The following JPH3 variants were observed in gnomAD, a reference collection of about 807,000 sequenced individuals.
JPH3 encodes junctophilin-3.
A neutral mutation model predicts 59.6 loss-of-function variants in JPH3; 11 were observed. The ratio of observed to expected loss-of-function variants is 0.18; its 90% CI spans 0.12 to 0.31. JPH3 has a LOEUF of 0.31. Among genes scored for constraint, JPH3 ranks in the 10% least tolerant of loss-of-function variants. The pLI, the probability that JPH3 is intolerant of heterozygous loss-of-function variation, is 1.00. For synonymous variants in JPH3, 673 were observed against 483.6 expected, an observed-to-expected ratio of 1.39 and a Z score of -5.14; for missense variants, 1,202 against 1,105.7, an observed-to-expected ratio of 1.09 and a Z score of -1.24.
chr16:87,677,947 C>T (rs1180138285), intron 2 of JPH3, among the ~76,000 whole-genome samples: 1 of 152,190 alleles, frequency 6.6e-6, no homozygotes, highest in African/African-American at 2.4e-5. Flanking sequence ...CACGAAGGAA[C>T]TGAACATTAA....
At chr16:87,635,240 G>C (rs569836808) in intron 1 of JPH3, among the ~76,000 whole-genome samples, 3 of 152,214 alleles carry the variant, frequency 2.0e-5, no homozygotes, top group African/African-American at 7.2e-5. Context: ...TGGAGGTGTT[G>C]ACCTGGGGCA....
intron 4 of JPH3, chr16:87,695,595 GGT>G (rs751487821): frequency 1.1e-5 from 5 of 455,776 alleles, no homozygotes; most frequent in Admixed American, 2.4e-5. Context: ...GACTGGAGTG[GGT>G]GTCCCAGCCA....
chr16:87,687,408 G>T (rs56272945), intron 3 of JPH3, among the ~76,000 whole-genome samples: 75 of 152,274 alleles, frequency 4.9e-4, no homozygotes, highest in African/African-American at 1.8e-3. Flanking sequence ...AGTGGCTGGC[G>T]CCAGCCTCTT....
intron 1 of JPH3, among the ~76,000 whole-genome samples, chr16:87,606,536 A>G (rs1377059050): frequency 6.6e-6 from 1 of 152,168 alleles, no homozygotes; most frequent in Non-Finnish European, 1.5e-5. Context: ...CCCAGCTTGC[A>G]TCCTGGGCTT....
chr16:87,688,140 C>A (rs2033463268), intron 3 of JPH3, among the ~76,000 whole-genome samples: 1 of 152,172 alleles, frequency 6.6e-6, no homozygotes, highest in Non-Finnish European at 1.5e-5. Context: ...CCAGCCCAGC[C>A]CTGTTTCTGG....
chr16:87,645,175 C>G (rs1300049897), intron 2 of JPH3, 140 bp downstream of exon 2: 1 of 864,060 alleles, frequency 1.2e-6, no homozygotes, highest in East Asian at 2.7e-5. Flanking sequence ...AAACTATGCC[C>G]CCATGGAACC....
At chr16:87,670,561 G>A (rs2032988856) in intron 2 of JPH3, among the ~76,000 whole-genome samples, 1 of 152,250 alleles carries the variant, frequency 6.6e-6, no homozygotes, top group Non-Finnish European at 1.5e-5. Flanking sequence ...CCAAGCCCAT[G>A]CCTGGGCTGT....
intron 1 of JPH3, among the ~76,000 whole-genome samples, chr16:87,625,746 G>A (rs2031351290): frequency 6.6e-6 from 1 of 152,208 alleles, no homozygotes; most frequent in Admixed American, 6.5e-5. Context: ...CTGAAGAAGT[G>A]ACCCAGGGCT....
intron 1 of JPH3, among the ~76,000 whole-genome samples, chr16:87,612,107 G>T (rs1162240164): frequency 6.6e-6 from 1 of 152,212 alleles, no homozygotes; most frequent in Non-Finnish European, 1.5e-5. Context: ...GGTACAGCCT[G>T]GGCATTGGGA....
At chr16:87,673,389 G>T (rs966475346) in intron 2 of JPH3, among the ~76,000 whole-genome samples, 1 of 151,980 alleles carries the variant, frequency 6.6e-6, no homozygotes, top group Non-Finnish European at 1.5e-5. Context: ...TGCTCGTGGG[G>T]GTGTAAATGT....
At chr16:87,641,428 G>C (rs1108475) in intron 1 of JPH3, among the ~76,000 whole-genome samples, 27,115 of 152,142 alleles carry the variant, frequency 0.18, 2,897 homozygotes, top group East Asian at 0.38. Context: ...AAGCAGCTTT[G>C]GGGGTACAGA....
chr16:87,685,561 T>A (rs1178238869), intron 3 of JPH3, among the ~76,000 whole-genome samples: 1 of 152,126 alleles, frequency 6.6e-6, no homozygotes, highest in African/African-American at 2.4e-5. Context: ...CACGTGCATG[T>A]GGGGAGTGGG....
At chr16:87,652,955 C>G (rs1256487451) in intron 2 of JPH3, among the ~76,000 whole-genome samples, 1 of 152,204 alleles carries the variant, frequency 6.6e-6, no homozygotes, top group Non-Finnish European at 1.5e-5. Context: ...CAGGCAGGCT[C>G]TTCTGTCGGC....
intron 1 of JPH3, among the ~76,000 whole-genome samples, chr16:87,633,683 C>T (rs2031638599): frequency 6.6e-6 from 1 of 151,916 alleles, no homozygotes; most frequent in South Asian, 2.1e-4. Context: ...CCTGTAGTAC[C>T]AGCTACTCGG....
rs751664775 is a variant in JPH3 at position 87,644,664 on chromosome 16, C to T, written c.789C>T (p.Thr263=). The change falls in exon 2 of 5, where the codon ACC becomes ACT. Residue 263 remains threonine, a synonymous_variant. Transcript: ENST00000284262. ...VSSTASDIHS[T]ISLGEAEAEL... is the part of the protein sequence containing the mutation. ...CCACGGCCAGCGACATCCACTCCAC[C>T]ATCAGCCTGGGCGAGGCTGAGGCCG... The T allele has an allele frequency of 6.2e-6, 10 of 1,611,940 alleles. No individual in the cohort carries two copies. The South Asian group carries it at 6.6e-5, about 11-fold the overall frequency.
chr16:87,690,619 G>A (rs1193744827), intron 4 of JPH3, 93 bp downstream of exon 4: 7 of 1,305,396 alleles, frequency 5.4e-6, no homozygotes, highest in Non-Finnish European at 7.0e-6. Context: ...CAAGGTCACT[G>A]CTCCCCTGTT....
At position 87,640,025 on chromosome 16, in the gene JPH3, G is replaced by T. The variant is rs1409383700; in HGVS notation, c.383-4233G>T. Among the ~76,000 whole-genome samples, 34 of 152,194 alleles carry T rather than the reference G, an allele frequency of 2.2e-4. 1 individual carries two copies. Among genetic ancestry groups the T allele is most frequent in the Admixed American group, 2.2e-3 (34 of 15,280 alleles). On this transcript the variant is annotated intron_variant, in intron 1 of 4. Transcript: ENST00000284262. ...TCTTTCCAGGGTCATCCTCCACTTTGCGGGGGCAGCCCACCTTCCTGGAGT... is the reference window on the plus strand; with the variant it reads ...TCTTTCCAGGGTCATCCTCCACTTTTCGGGGGCAGCCCACCTTCCTGGAGT...
At chr16:87,663,586 C>G (rs1240376935) in intron 2 of JPH3, among the ~76,000 whole-genome samples, 3 of 152,164 alleles carry the variant, frequency 2.0e-5, no homozygotes, top group African/African-American at 7.2e-5. Context: ...AGCCACTGCC[C>G]CCAGCTGGCC....
chr16:87,690,291 G>A lies in JPH3; in HGVS notation c.1931G>A (p.Arg644His), dbSNP rs748061937. 5.6e-6 allele frequency: 9 copies of A among 1,598,498 alleles called. No homozygotes were observed. In the Admixed American group the frequency reaches 1.2e-4, roughly 21 times the overall value. ...TGCCGGGGCTTGGGGGACGACCACC[G>A]CCCCGAGGACCGGGGCTTCGGGGTG... ...GACRGLGDDH[R>H]PEDRGFGVQR... Residue 644 changes from arginine (R) to histidine (H), a missense_variant, in exon 4 of 5, where the codon CGC becomes CAC. By Grantham distance (29) the Arg-to-His change is conservative (BLOSUM62 0). Transcript: ENST00000284262.
Sources: gnomAD v4.1 joint callset for allele counts (sites outside exome capture counted in the v4.1 genomes callset) on GRCh38, gnomAD v4.1.1 for gene constraint, MANE v1.5 for transcripts, NCBI Gene and HGNC (gene_info 2026-07-23, HGNC 2026-07-21) for gene names.